The following POLR1B variants were observed in gnomAD, a reference collection of about 807,000 sequenced individuals.
POLR1B encodes the protein RNA polymerase I subunit B.
A neutral mutation model predicts 105.8 loss-of-function variants in POLR1B; 30 were observed. That is an observed-to-expected ratio of 0.28 (90% CI 0.21 to 0.38). The LOEUF (loss-of-function observed/expected upper bound fraction) is 0.38, where lower values mean the gene tolerates loss of function less well. Among genes scored for constraint, POLR1B ranks in the 10% least tolerant of loss-of-function variants. The probability of loss-of-function intolerance (pLI) is 1.00; values close to 1 mark genes in which losing one functional copy is unlikely to be tolerated. For missense variants in POLR1B, 976 were observed against 1,435.8 expected, an observed-to-expected ratio of 0.68 and a Z score of 5.17; for synonymous variants, 485 against 505.1, an observed-to-expected ratio of 0.96 and a Z score of 0.53.
intron 9 of POLR1B, among the ~76,000 whole-genome samples, chr2:112,561,826 C>CTATT (rs1553412179): frequency 5.9e-5 from 9 of 151,762 alleles, no homozygotes; most frequent in African/African-American, 2.2e-4. Context: ...TTTGTTTTTT[C>CTATT]TGTTTGTTTG....
chr2:112,573,901 CAGTGG>C, intron 14 of POLR1B, 86 bp downstream of exon 14: 1 of 1,482,376 alleles, frequency 6.7e-7, no homozygotes, highest in Non-Finnish European at 9.1e-7. Context: ...GGCTGGAGTG[CAGTGG>C]AGTGATCTCA....
chr2:112,567,590 G>C (rs572901777), intron 10 of POLR1B, among the ~76,000 whole-genome samples: 2 of 152,042 alleles, frequency 1.3e-5, no homozygotes, highest in South Asian at 4.2e-4. Context: ...TGTTGCCCAG[G>C]CTGGTCTTGA....
At chr2:112,557,528 G>A (rs749927080) in intron 7 of POLR1B, among the ~76,000 whole-genome samples, 3 of 152,164 alleles carry the variant, frequency 2.0e-5, no homozygotes, top group Admixed American at 6.5e-5. Context: ...GTTAAAGATC[G>A]TACAGATTAC....
rs540761878 is a variant in POLR1B, at chr2:112,579,635, G to A, written c.*3906G>A. ...GATAGATGTGTAGTGATATCTCATT[G>A]TGGCTTTAATTTGCATTTCTCTAAT... On this transcript the variant is annotated 3_prime_UTR_variant, in exon 15 of 15. Transcript: ENST00000263331. 1 of 152,328 alleles carries A rather than the reference G, an allele frequency of 6.6e-6. No individual in the cohort carries two copies. Among genetic ancestry groups the A allele is most frequent in the South Asian group, 2.1e-4 (1 of 4,826 alleles). 9.4% of individuals were successfully genotyped at this position (152,328 alleles called of 1,614,324 possible). A position where few individuals can be genotyped will look rare whatever the true frequency, so the allele number is the denominator to read the frequency against.
chr2:112,559,658 T>A, intron 9 of POLR1B, 84 bp downstream of exon 9: 1 of 1,483,234 alleles, frequency 6.7e-7, no homozygotes, highest in Non-Finnish European at 9.2e-7. Context: ...TGAGATGGAG[T>A]GTTGCTATGT....
At chr2:112,559,126 A>G (rs188498101) in intron 8 of POLR1B, among the ~76,000 whole-genome samples, 167 bp from the exon 9 acceptor site, 5 of 152,136 alleles carry the variant, frequency 3.3e-5, no homozygotes, top group Admixed American at 1.3e-4. Context: ...ATTATTTTAC[A>G]TATTTTTTTG....
intron 3 of POLR1B, 124 bp downstream of exon 3, chr2:112,547,691 A>G: frequency 9.3e-7 from 1 of 1,077,356 alleles, no homozygotes; most frequent in Admixed American, 2.6e-5. Flanking sequence ...AGATATCAGT[A>G]TCTTGCCTGC....
chr2:112,577,414 T>C lies in POLR1B; in HGVS notation c.*1685T>C, dbSNP rs1181384609. ...GACAAAAAAAATTAGCCAAGCATAG[T>C]GGCACACCCCTGTAGTCCCAGCTAC... On this transcript the variant is annotated 3_prime_UTR_variant, in exon 15 of 15. Coordinates refer to ENST00000263331, the MANE Select transcript of POLR1B (RefSeq NM_019014.6). Among the ~76,000 whole-genome samples the C allele has an allele frequency of 6.6e-6, 1 of 152,186 alleles. No homozygotes were observed. The highest frequency in any genetic ancestry group is 1.5e-5 in the Non-Finnish European group (1 of 68,036).
At chr2:112,565,313 A>T (rs900059126) in intron 10 of POLR1B, among the ~76,000 whole-genome samples, 1 of 152,194 alleles carries the variant, frequency 6.6e-6, no homozygotes, top group African/African-American at 2.4e-5. Flanking sequence ...ACCAGTTGCT[A>T]TGCTTTGCCC....
chr2:112,566,628 G>A (rs1684287300), intron 10 of POLR1B, among the ~76,000 whole-genome samples: 1 of 152,062 alleles, frequency 6.6e-6, no homozygotes, highest in Non-Finnish European at 1.5e-5. Context: ...TTGATCTAGT[G>A]TACAGTTGAG....
At chr2:112,552,508 T>C in intron 6 of POLR1B, 137 bp from the exon 7 acceptor site, 1 of 901,196 alleles carries the variant, frequency 1.1e-6, no homozygotes. Flanking sequence ...ATGTGGCCAG[T>C]GTAGCTCAAA....
chr2:112,542,285 G>A (rs1682789255), upstream of POLR1B: 12 of 1,528,922 alleles, frequency 7.8e-6, no homozygotes, highest in Middle Eastern at 1.7e-4. Flanking sequence ...GGCTGGACAC[G>A]GCCTTAATCG....
intron 9 of POLR1B, among the ~76,000 whole-genome samples, chr2:112,560,657 T>C (rs1344943558): frequency 6.6e-6 from 1 of 152,098 alleles, no homozygotes; most frequent in Non-Finnish European, 1.5e-5. Context: ...GGGATTAATA[T>C]GTGTGCAGTA....
Position 112,564,221 on chromosome 2 carries a change from A to G in POLR1B, c.1613-145A>G, listed in dbSNP as rs1012431845. 1.8e-5 allele frequency: 17 copies of G among 959,478 alleles called. No individual in the cohort carries two copies. In the South Asian group the frequency reaches 3.7e-4, roughly 21 times the overall value. The allele number at this position is 959,478 out of a possible 1,614,324, so 59.4% of individuals were successfully genotyped here. A position where few individuals can be genotyped will look rare whatever the true frequency, so the allele number is the denominator to read the frequency against. The stretch of plus-strand genomic sequence containing the variant: ...GCTTGAAATATCTGAAGTGCAGTTA[A>G]AAGAAATAATGCCTGTACCTGTTTT... On this transcript the variant is annotated intron_variant, in intron 9 of 14. Transcript: ENST00000263331.
In POLR1B at chr2:112,572,602, C is replaced by T; in HGVS notation, c.2115C>T (p.Asp705=). ...TMGFPLLTYQ[D]RSDNKLYRLQ... is the part of the protein sequence containing the mutation. Reference sequence around the variant, plus strand: ...GCTTTCCACTTCTCACTTATCAAGACCGATCGGATAACAAACTGTATCGTC... The same window carrying T: ...GCTTTCCACTTCTCACTTATCAAGATCGATCGGATAACAAACTGTATCGTC... Residue 705 remains aspartate (D), a synonymous_variant, in exon 13 of 15, where the codon GAC becomes GAT. Coordinates refer to ENST00000263331, the MANE Select transcript of POLR1B (RefSeq NM_019014.6). The T allele has an allele frequency of 6.2e-7, 1 of 1,609,354 alleles. No individual in the cohort carries two copies.
rs139333297 is a variant in POLR1B, at chr2:112,564,377, A to T, written c.1624A>T (p.Ile542Phe). ...ALLCNLGVTPIDGAPHRSYSE... is the reference protein window; with the variant it reads ...ALLCNLGVTPFDGAPHRSYSE... ...GTTTCCTTTACCAGGGGTCACTCCC[A>T]TTGATGGAGCTCCCCACCGATCATA... The change falls in exon 10 of 15, where the codon ATT becomes TTT. Residue 542 changes from isoleucine (I) to phenylalanine (F), a missense_variant. Around this residue, in one of 12 missense-constraint regions of POLR1B, gnomAD observed 184 missense variants for 197.4 expected, o/e 0.93. Coordinates refer to ENST00000263331, the MANE Select transcript of POLR1B (RefSeq NM_019014.6). The T allele has an allele frequency of 1.2e-5, 20 of 1,614,052 alleles. No homozygotes were observed. The African/African-American group carries it at 2.3e-4, about 18-fold the overall frequency.
rs1684815293 is a variant in POLR1B at position 112,575,389 on chromosome 2, A to G, written c.3068A>G (p.Asn1023Ser). 2 of 1,614,208 alleles carry G rather than the reference A, an allele frequency of 1.2e-6. No homozygotes were observed. The highest frequency in any genetic ancestry group is 1.1e-5 in the South Asian group (1 of 91,084). The change falls in exon 15 of 15, where the codon AAC becomes AGC. Residue 1023 changes from asparagine (N) to serine (S), a missense_variant. This residue lies in a region of POLR1B where 13 missense variants were observed against 49.1 expected (regional missense o/e 0.26). Coordinates refer to ENST00000263331, the MANE Select transcript of POLR1B (RefSeq NM_019014.6). The surrounding 1 kb of genome is among the most constrained non-coding windows in gnomAD (Gnocchi z 5.3). ...ACTGGAGCCCGAGACAGAGTCACCA[A>G]CCAGCCTATTGGGGGAAGAAATGTC... is the stretch of plus-strand genomic sequence containing the variant. ...RTTGARDRVT[N>S]QPIGGRNVQG... is the part of the protein sequence containing the mutation.
At chr2:112,558,110 G>GTTTT (rs765411248) in intron 8 of POLR1B, 29 bp downstream of exon 8, 1 of 1,310,278 alleles carries the variant, frequency 7.6e-7, no homozygotes, top group Admixed American at 3.0e-5. Context: ...TTTTAGTTAT[G>GTTTT]TTTTTCAAAT....
At chr2:112,545,279 T>G (rs1034358874) in intron 1 of POLR1B, among the ~76,000 whole-genome samples, 2 of 152,218 alleles carry the variant, frequency 1.3e-5, no homozygotes, top group Non-Finnish European at 2.9e-5. Flanking sequence ...TTAGATAAGC[T>G]GTCCTTAAAC....
Sources: gnomAD v4.1 joint callset for allele counts (sites outside exome capture counted in the v4.1 genomes callset) on GRCh38, gnomAD v4.1.1 for gene constraint, gnomAD v4.1.1 regional missense constraint, Gnocchi (gnomAD v3.1) non-coding constraint, MANE v1.5 for transcripts, NCBI Gene and HGNC (gene_info 2026-07-23, HGNC 2026-07-21) for gene names.